The following ATP8A1 variants were observed in gnomAD, a reference collection of about 807,000 sequenced individuals.
The protein encoded by ATP8A1 is phospholipid-transporting ATPase IA.
In ATP8A1, 90 loss-of-function variants were observed where a neutral mutation model predicts 177.7. The observed-to-expected ratio is 0.51, with a 90% CI of 0.43 to 0.60. The LOEUF is 0.60. Among genes scored for constraint, ATP8A1 ranks in the 20% least tolerant of loss-of-function variants. The pLI is 0.00. For missense variants in ATP8A1, 1,072 were observed against 1,392.8 expected (o/e 0.77, Z 3.67); for synonymous variants, 493 against 485.9 (o/e 1.01, Z -0.19).
At chr4:42,623,462 A>G (rs1737705880) in intron 4 of ATP8A1, among the ~76,000 whole-genome samples, 1 of 152,254 alleles carries the variant, frequency 6.6e-6, no homozygotes, top group Non-Finnish European at 1.5e-5. Context: ...CATCAATGAT[A>G]GACTGGATAA....
At chr4:42,475,242 T>C (rs1720916592) in intron 25 of ATP8A1, among the ~76,000 whole-genome samples, 1 of 152,148 alleles carries the variant, frequency 6.6e-6, no homozygotes, top group Non-Finnish European at 1.5e-5. Context: ...CATGGCTCAT[T>C]GTAGCCTTGA....
intron 35 of ATP8A1, among the ~76,000 whole-genome samples, chr4:42,418,397 T>TA (rs1713488575): frequency 6.6e-6 from 1 of 152,202 alleles, no homozygotes; most frequent in Non-Finnish European, 1.5e-5. Context: ...CATACTCCAA[T>TA]GATATCCAAA....
chr4:42,636,323 C>T (rs1389416136), intron 1 of ATP8A1, among the ~76,000 whole-genome samples: 2 of 152,086 alleles, frequency 1.3e-5, no homozygotes, highest in Admixed American at 1.3e-4. Context: ...CTTGAAATCC[C>T]ATGTTCTGCA....
intron 29 of ATP8A1, among the ~76,000 whole-genome samples, chr4:42,454,303 T>G (rs556002247): frequency 6.6e-6 from 1 of 152,214 alleles, no homozygotes; most frequent in African/African-American, 2.4e-5. Flanking sequence ...CACTTTATTC[T>G]CTTGGCATAT....
At chr4:42,448,726 T>C (rs1333214196) in intron 30 of ATP8A1, among the ~76,000 whole-genome samples, 21 of 150,896 alleles carry the variant, frequency 1.4e-4, no homozygotes, top group Admixed American at 7.3e-4. Flanking sequence ...GTGGTAGAGG[T>C]AGTTTCTTAA....
intron 22 of ATP8A1, among the ~76,000 whole-genome samples, chr4:42,516,072 G>C (rs556039380): frequency 2.6e-5 from 4 of 152,242 alleles, no homozygotes; most frequent in Admixed American, 6.5e-5. Flanking sequence ...TCCAACTTCT[G>C]AATTAATTAT....
At chr4:42,508,795 A>G (rs917064698) in intron 22 of ATP8A1, among the ~76,000 whole-genome samples, 1 of 152,146 alleles carries the variant, frequency 6.6e-6, no homozygotes, top group Admixed American at 6.5e-5. Context: ...CATTTAAAAT[A>G]TAGGTGAGGG....
intron 33 of ATP8A1, among the ~76,000 whole-genome samples, chr4:42,435,446 A>AC (rs1410634417): frequency 3.2e-4 from 37 of 114,896 alleles, no homozygotes; most frequent in South Asian, 6.3e-4. Context: ...AAAAAAAAAA[A>AC]AAACAAAAAA....
intron 25 of ATP8A1, among the ~76,000 whole-genome samples, chr4:42,467,615 C>T (rs940489982): frequency 2.6e-5 from 4 of 152,168 alleles, no homozygotes; most frequent in African/African-American, 9.7e-5. Flanking sequence ...ATCGCTTGAA[C>T]CCAGGAAGTG....
intron 10 of ATP8A1, among the ~76,000 whole-genome samples, chr4:42,580,262 AG>A (rs1732897123): frequency 6.6e-6 from 1 of 152,208 alleles, no homozygotes; most frequent in African/African-American, 2.4e-5. Context: ...GCATTGTGGC[AG>A]GTAAGATGAA....
chr4:42,617,823 A>C (rs559961202), intron 4 of ATP8A1, among the ~76,000 whole-genome samples: 1 of 152,328 alleles, frequency 6.6e-6, no homozygotes, highest in Non-Finnish European at 1.5e-5. Context: ...TCTTCCCATC[A>C]CAGAATTAGG....
chr4:42,490,469 T>G (rs1722630270), intron 24 of ATP8A1, among the ~76,000 whole-genome samples: 1 of 152,166 alleles, frequency 6.6e-6, no homozygotes, highest in Admixed American at 6.5e-5. Flanking sequence ...TCTTCTCTCC[T>G]CAAGAGTCCA....
At position 42,578,263 on chromosome 4, in the gene ATP8A1, A is replaced by G. The variant is rs759977251; in HGVS notation, c.1125T>C (p.Asn375=). 6 of 1,595,410 alleles carry G rather than the reference A, an allele frequency of 3.8e-6. No homozygotes were observed. In the South Asian group the frequency reaches 6.9e-5, roughly 18 times the overall value. Residue 375 remains asparagine, a synonymous_variant, in exon 12 of 37, where the codon AAT becomes AAC. Coordinates refer to ENST00000381668, the MANE Select transcript of ATP8A1 (RefSeq NM_006095.2). Reference sequence around the variant, plus strand: ...AACAATCATAATTCATATTTACCCAATTTATGAAGTATGCCTGGGTAAATT... The same window carrying G: ...AACAATCATAATTCATATTTACCCAGTTTATGAAGTATGCCTGGGTAAATT... ...VVKFTQAYFI[N]WDLDMHYEPT...
rs2306006 is a variant in ATP8A1 at position 42,578,440 on chromosome 4, T to C, written c.1001-53A>G. 3.4e-4 allele frequency: 538 copies of C among 1,588,060 alleles called. 5 individuals are homozygous for C. In the East Asian group the frequency reaches 0.011, roughly 33 times the overall value. Reference sequence around the variant, plus strand: ...TTTACAGTTTTATATTTTATTTGCATTGACCCCAAATTAGCATAATACAAG... The same window carrying C: ...TTTACAGTTTTATATTTTATTTGCACTGACCCCAAATTAGCATAATACAAG... On this transcript the variant is annotated intron_variant, in intron 11 of 36. Transcript: ENST00000381668.
intron 24 of ATP8A1, among the ~76,000 whole-genome samples, chr4:42,502,712 T>A (rs569640802): frequency 1.3e-5 from 2 of 152,212 alleles, no homozygotes; most frequent in Non-Finnish European, 2.9e-5. Context: ...CTTCCACGCA[T>A]GTGGCCTCTC....
At chr4:42,602,566 C>A (rs1735394786) in intron 5 of ATP8A1, among the ~76,000 whole-genome samples, 1 of 152,098 alleles carries the variant, frequency 6.6e-6, no homozygotes, top group South Asian at 2.1e-4. Context: ...GCGTTCGAGA[C>A]CAGCCTGGCC....
At chr4:42,492,822 C>T (rs1362146326) in intron 24 of ATP8A1, among the ~76,000 whole-genome samples, 1 of 152,228 alleles carries the variant, frequency 6.6e-6, no homozygotes, top group Non-Finnish European at 1.5e-5. Context: ...ATACAACTTT[C>T]ACCTTTGTCA....
chr4:42,614,751 T>C (rs1255400624), intron 5 of ATP8A1, among the ~76,000 whole-genome samples: 1 of 152,214 alleles, frequency 6.6e-6, no homozygotes, highest in Non-Finnish European at 1.5e-5. Context: ...ATCTCCTTTC[T>C]GCGCCTGGCA....
intron 7 of ATP8A1, among the ~76,000 whole-genome samples, chr4:42,588,994 C>G (rs1733897737): frequency 6.6e-6 from 1 of 152,174 alleles, no homozygotes; most frequent in Non-Finnish European, 1.5e-5. Context: ...AAACTAAAAT[C>G]AGTCAGCTAG....
Sources: allele counts gnomAD v4.1 joint callset (sites outside exome capture counted in the v4.1 genomes callset), GRCh38; gene constraint gnomAD v4.1.1; transcripts MANE v1.5; gene names NCBI Gene and HGNC (gene_info 2026-07-23, HGNC 2026-07-21).